MATCAP2: variants seen among roughly 807,000 people sequenced by gnomAD.
MATCAP2 encodes microtubule associated tyrosine carboxypeptidase 2.
the MATCAP2 span, among the ~76,000 whole-genome samples, chr7:36,387,749 T>C: frequency 2.0e-5 from 3 of 152,232 alleles, no homozygotes; most frequent in Admixed American, 2.0e-4. Flanking sequence ...CTAGGTGCTT[T>C]ACCTCTTTTA....
At chr7:36,383,896 T>C in the MATCAP2 span, 1 of 1,605,192 alleles carries the variant, frequency 6.2e-7, no homozygotes, top group Non-Finnish European at 8.5e-7. Context: ...TTCTTGCCAC[T>C]GCCTTATGAT....
At chr7:36,345,360 A>G in the MATCAP2 span, among the ~76,000 whole-genome samples, 1 of 152,238 alleles carries the variant, frequency 6.6e-6, no homozygotes, top group Non-Finnish European at 1.5e-5. Context: ...ATACAGTTGA[A>G]GAAGAGAATA....
At chr7:36,327,731 C>G in the MATCAP2 span, among the ~76,000 whole-genome samples, 3 of 152,200 alleles carry the variant, frequency 2.0e-5, no homozygotes, top group African/African-American at 7.2e-5. Context: ...ACAGAAAATA[C>G]TCATTGGAGC....
chr7:36,336,138 C>T, the MATCAP2 span: 6 of 1,502,988 alleles, frequency 4.0e-6, no homozygotes, highest in African/African-American at 7.0e-5. Context: ...TCCTTGTGTT[C>T]ACTCGCAGTT....
At chr7:36,329,827 G>A in the MATCAP2 span, among the ~76,000 whole-genome samples, 1 of 151,978 alleles carries the variant, frequency 6.6e-6, no homozygotes, top group African/African-American at 2.4e-5. Context: ...GAGATCTGGT[G>A]GTCACTAACT....
the MATCAP2 span, among the ~76,000 whole-genome samples, chr7:36,340,163 T>C: frequency 6.6e-6 from 1 of 152,238 alleles, no homozygotes; most frequent in Admixed American, 6.5e-5. Context: ...CCACCGCGCT[T>C]GGCCTGCTTA....
At chr7:36,367,264 G>GCGCTT in the MATCAP2 span, 3 of 1,064,906 alleles carry the variant, frequency 2.8e-6, no homozygotes, top group Non-Finnish European at 3.4e-6. Context: ...CGCGCGCGCT[G>GCGCTT]CGCTTCACGG....
At chr7:36,387,238 A>T in the MATCAP2 span, among the ~76,000 whole-genome samples, 1 of 152,188 alleles carries the variant, frequency 6.6e-6, no homozygotes, top group Non-Finnish European at 1.5e-5. Context: ...TTCTATGGGA[A>T]TGATAAACAT....
chr7:36,361,670 TACTTGAACC>T, the MATCAP2 span, among the ~76,000 whole-genome samples: 1 of 152,182 alleles, frequency 6.6e-6, no homozygotes, highest in East Asian at 1.9e-4. Context: ...GCTGGAAGAC[TACTTGAACC>T]CAGGAGTTTG....
the MATCAP2 span, chr7:36,357,630 A>G: frequency 6.9e-7 from 1 of 1,448,174 alleles, no homozygotes; most frequent in Non-Finnish European, 9.4e-7. Context: ...GAAATAACAA[A>G]GATACCAGAT....
At chr7:36,367,028 G>A in the MATCAP2 span, 1 of 1,278,904 alleles carries the variant, frequency 7.8e-7, no homozygotes, top group African/African-American at 1.6e-5. Context: ...TCTGACCCGG[G>A]CCTCGGTGGC....
the MATCAP2 span, among the ~76,000 whole-genome samples, chr7:36,379,984 T>TA: frequency 1.3e-5 from 2 of 152,202 alleles, no homozygotes; most frequent in East Asian, 3.8e-4. Flanking sequence ...TGTCTACATG[T>TA]AAACCTTTCA....
the MATCAP2 span, chr7:36,336,396 T>C: frequency 5.1e-6 from 5 of 971,624 alleles, no homozygotes; most frequent in Non-Finnish European, 5.7e-6. Context: ...TCTAGGTTTA[T>C]TGATTTCCAA....
the MATCAP2 span, among the ~76,000 whole-genome samples, chr7:36,375,302 A>AT: frequency 3.9e-5 from 6 of 152,074 alleles, no homozygotes; most frequent in Non-Finnish European, 5.9e-5. Context: ...GATGATGAGC[A>AT]TTTTTTCATG....
chr7:36,342,585 C>A, the MATCAP2 span, among the ~76,000 whole-genome samples: 1 of 152,146 alleles, frequency 6.6e-6, no homozygotes, highest in Non-Finnish European at 1.5e-5. Flanking sequence ...TCAGACCAGT[C>A]TTAAGCCTGG....
At chr7:36,331,561 A>G in the MATCAP2 span, among the ~76,000 whole-genome samples, 1 of 152,122 alleles carries the variant, frequency 6.6e-6, no homozygotes, top group African/African-American at 2.4e-5. Context: ...AATAATCCTC[A>G]CCCTCCATTA....
At chr7:36,390,311 G>A in the MATCAP2 span, 3 of 534,778 alleles carry the variant, frequency 5.6e-6, no homozygotes, top group East Asian at 9.2e-5. Flanking sequence ...AGGTCTTTCA[G>A]CCCCCGTTTT....
the MATCAP2 span, chr7:36,390,158 G>A: frequency 1.2e-5 from 19 of 1,571,440 alleles, no homozygotes; most frequent in Admixed American, 1.8e-5. Flanking sequence ...GTGTGTGCGC[G>A]CGTGCGCAGT....
the MATCAP2 span, among the ~76,000 whole-genome samples, chr7:36,379,835 C>CAGAGAGAG: frequency 3.7e-5 from 5 of 134,298 alleles, no homozygotes; most frequent in Non-Finnish European, 3.3e-5. Context: ...CACACACACA[C>CAGAGAGAG]ACACACACAC....
Sources: gnomAD v4.1 joint callset for allele counts (sites outside exome capture counted in the v4.1 genomes callset) on GRCh38, gnomAD v4.1.1 for gene constraint, MANE v1.5 for transcripts, NCBI Gene and HGNC (gene_info 2026-07-23, HGNC 2026-07-21) for gene names.